Variants in CMC1 observed in about 807,000 individuals in gnomAD.
CMC1 encodes the protein C-X9-C motif containing 1.
In CMC1, 14 loss-of-function variants were observed where a neutral mutation model predicts 14.1. The observed-to-expected ratio is 0.99, with a 90% CI of 0.66 to 1.55. The LOEUF is 1.55. Ranked by LOEUF, CMC1 falls within the 40% of genes most tolerant of loss-of-function variation. The pLI, the probability that CMC1 is intolerant of heterozygous loss-of-function variation, is 0.00. For synonymous variants in CMC1, 50 were observed against 38.4 expected, an observed-to-expected ratio of 1.30 and a Z score of -1.12; for missense variants, 127 against 123.8, an observed-to-expected ratio of 1.03 and a Z score of -0.12.
intron 2 of CMC1, among the ~76,000 whole-genome samples, chr3:28,284,331 T>C (rs1415899115): frequency 6.6e-6 from 1 of 152,210 alleles, no homozygotes. Context: ...GAGATTCAAA[T>C]TGTCATATTC....
chr3:28,317,293 C>T (rs1702974281), intron 3 of CMC1: 1 of 151,674 alleles, frequency 6.6e-6, no homozygotes, highest in South Asian at 2.1e-4. Context: ...AAACTCATCT[C>T]TATATTTGCT....
intron 2 of CMC1, among the ~76,000 whole-genome samples, chr3:28,266,708 CAA>C (rs1395480348): frequency 6.6e-6 from 1 of 151,950 alleles, no homozygotes; most frequent in Non-Finnish European, 1.5e-5. Context: ...GATTTGATTA[CAA>C]AGGAGAATCC....
chr3:28,260,808 A>G (rs1217656082), intron 1 of CMC1, among the ~76,000 whole-genome samples: 1 of 152,152 alleles, frequency 6.6e-6, no homozygotes, highest in African/African-American at 2.4e-5. Context: ...CATTCATATC[A>G]AAATACTTTC....
At chr3:28,278,654 A>G (rs577939999) in intron 2 of CMC1, among the ~76,000 whole-genome samples, 9 of 152,328 alleles carry the variant, frequency 5.9e-5, no homozygotes, top group South Asian at 2.1e-4. Flanking sequence ...CTTCAGTACT[A>G]CTATGTGCAA....
intron 2 of CMC1, among the ~76,000 whole-genome samples, chr3:28,277,843 G>C (rs1700659022): frequency 6.6e-6 from 1 of 152,170 alleles, no homozygotes; most frequent in Non-Finnish European, 1.5e-5. Context: ...ATAGGGAGGA[G>C]TTCAGCAAAA....
chr3:28,324,360 AG>A lies in CMC1; in HGVS notation c.*4736del. On this transcript the variant is annotated 3_prime_UTR_variant, in exon 4 of 4. Coordinates refer to ENST00000466830, the MANE Select transcript of CMC1 (RefSeq NM_182523.2). The stretch of plus-strand genomic sequence containing the variant: ...AAAGAGCTTTGCCATTTGGTAAGAG[AG>A]GGGGATGTCTTGTGTATGTTGCAGT... The A allele has an allele frequency of 6.3e-7, 1 of 1,594,624 alleles. No homozygotes were observed. Among genetic ancestry groups the A allele is most frequent in the Non-Finnish European group, 8.5e-7 (1 of 1,169,712 alleles).
intron 2 of CMC1, among the ~76,000 whole-genome samples, chr3:28,279,910 ACT>A (rs1553616750): frequency 1.3e-5 from 2 of 152,144 alleles, no homozygotes; most frequent in Non-Finnish European, 2.9e-5. Context: ...TGACCTAGCA[ACT>A]CTTTCCAGGA....
At chr3:28,259,748 T>C (rs890154843) in intron 1 of CMC1, among the ~76,000 whole-genome samples, 1 of 152,128 alleles carries the variant, frequency 6.6e-6, no homozygotes, top group East Asian at 1.9e-4. Flanking sequence ...AGTGGTGACA[T>C]CTTATATATC....
chr3:28,253,748 A>T, intron 1 of CMC1: 1 of 1,286,336 alleles, frequency 7.8e-7, no homozygotes, highest in Non-Finnish European at 1.0e-6. Flanking sequence ...AGTAGCACCA[A>T]ACTGTCTTCA....
intron 3 of CMC1, chr3:28,319,304 T>C (rs764391849): frequency 4.5e-5 from 27 of 596,878 alleles, no homozygotes; most frequent in Admixed American, 1.1e-4. Flanking sequence ...TGCTCTATTC[T>C]GTGACAGTGC....
chr3:28,242,611 TA>T (rs1698588337), intron 1 of CMC1, among the ~76,000 whole-genome samples: 1 of 152,226 alleles, frequency 6.6e-6, no homozygotes, highest in South Asian at 2.1e-4. Flanking sequence ...AATAATGTTT[TA>T]ATTGAACATG....
intron 2 of CMC1, among the ~76,000 whole-genome samples, chr3:28,266,006 A>G (rs1200068055): frequency 1.3e-5 from 2 of 152,206 alleles, no homozygotes; most frequent in South Asian, 2.1e-4. Flanking sequence ...TAAAGCCCAC[A>G]GAGTCCAAAT....
intron 2 of CMC1, among the ~76,000 whole-genome samples, chr3:28,287,135 T>C (rs1701228768): frequency 6.6e-6 from 1 of 152,190 alleles, no homozygotes; most frequent in South Asian, 2.1e-4. Flanking sequence ...TATAGCACTT[T>C]TAAATCAGCT....
At chr3:28,286,274 G>T (rs1353474747) in intron 2 of CMC1, among the ~76,000 whole-genome samples, 1 of 152,108 alleles carries the variant, frequency 6.6e-6, no homozygotes, top group Admixed American at 6.5e-5. Context: ...TAATGAAATA[G>T]CGTTAACTTA....
intron 1 of CMC1, among the ~76,000 whole-genome samples, chr3:28,257,233 A>G (rs1202782371): frequency 6.6e-6 from 1 of 152,180 alleles, no homozygotes; most frequent in Non-Finnish European, 1.5e-5. Flanking sequence ...TATCCTAATT[A>G]AGACATTTTT....
intron 1 of CMC1, among the ~76,000 whole-genome samples, chr3:28,255,715 A>G (rs1327062376): frequency 5.1e-5 from 7 of 138,542 alleles, no homozygotes; most frequent in Non-Finnish European, 1.1e-4. Flanking sequence ...ATATATATAC[A>G]TGTACATACA....
intron 2 of CMC1, among the ~76,000 whole-genome samples, chr3:28,287,202 G>A (rs1701230900): frequency 6.6e-6 from 1 of 152,094 alleles, no homozygotes; most frequent in African/African-American, 2.4e-5. Context: ...GCTTCTTCAT[G>A]AATCCTCTCT....
chr3:28,263,827 GACTT>G (rs1488596297), intron 2 of CMC1, among the ~76,000 whole-genome samples: 1 of 152,068 alleles, frequency 6.6e-6, no homozygotes, highest in Non-Finnish European at 1.5e-5. Context: ...ATCCTGATAG[GACTT>G]ACAGTGAGTC....
chr3:28,305,779 A>ATTTTTTTTTTTTTTTTTTTTTTT (rs71087685), intron 2 of CMC1, among the ~76,000 whole-genome samples: 1 of 43,570 alleles, frequency 2.3e-5, no homozygotes, highest in African/African-American at 1.1e-4. Flanking sequence ...TTTCATAGGA[A>ATTTTTTTTTTTTTTTTTTTTTTT]TTTTTTTTTT....
Sources: gnomAD v4.1 joint callset for allele counts (sites outside exome capture counted in the v4.1 genomes callset) on GRCh38, gnomAD v4.1.1 for gene constraint, MANE v1.5 for transcripts, NCBI Gene and HGNC (gene_info 2026-07-23, HGNC 2026-07-21) for gene names.